Variants in OR2T29 observed in about 807,000 individuals in gnomAD.
OR2T29 encodes the protein olfactory receptor 2T29.
For missense variants in OR2T29, 7 were observed against 121.9 expected, an observed-to-expected ratio of 0.06 and a Z score of 4.44; for synonymous variants, 2 against 44.9, an observed-to-expected ratio of 0.04 and a Z score of 3.82.
rs1392816027 is a variant in OR2T29, at chr1:248,559,044, A to G, written c.448T>C (p.Ser150Pro). The change falls in exon 2 of 2, where the codon TCG becomes CCG. Residue 150 changes from serine to proline, a missense_variant. Coordinates refer to ENST00000641069, the MANE Select transcript of OR2T29 (RefSeq NM_001004694.3). ...ACTGAGCCCAGGAACCAGCAGCCCG[A>G]TGCCAGGAAAAGACAGACCCTATGG... ...MNHRVCLFLASGCWFLGSVDG... is the reference protein window; with the variant it reads ...MNHRVCLFLAPGCWFLGSVDG... The G allele has an allele frequency of 2.6e-5, 6 of 229,426 alleles. 1 individual carries two copies. In the Admixed American group the frequency reaches 4.0e-4, roughly 15 times the overall value. The allele number at this position is 229,426 out of a possible 1,614,324, so 14.2% of individuals were successfully genotyped here.
intron 1 of OR2T29, among the ~76,000 whole-genome samples, chr1:248,560,192 C>T (rs1430054144): frequency 2.8e-5 from 1 of 35,364 alleles, no homozygotes; most frequent in Admixed American, 5.1e-4. Context: ...TCTGCCATTC[C>T]TTTCTCCAAT....
At chr1:248,561,943 G>A (rs1181481901) in intron 1 of OR2T29, among the ~76,000 whole-genome samples, 5 of 144,272 alleles carry the variant, frequency 3.5e-5, no homozygotes, top group South Asian at 2.3e-4. Flanking sequence ...TTCTGTACCC[G>A]CTTGTTTGAC....
chr1:248,557,717 TGTATAAC>T lies in OR2T29; in HGVS notation c.*820_*826del, dbSNP rs1255631177. On this transcript the variant is annotated 3_prime_UTR_variant, in exon 2 of 2. Coordinates refer to ENST00000641069, the MANE Select transcript of OR2T29 (RefSeq NM_001004694.3). ...TGTTGATGCCATCCCTCTGCTTGTT[TGTATAAC>T]AAGTTACATGTTTGAAATCTCAGCT... 8.9e-5 allele frequency: 9 copies of T among 101,144 alleles called. No individual in the cohort carries two copies. The highest frequency in any genetic ancestry group is 3.3e-4 in the African/African-American group (9 of 27,470). The allele number at this position is 101,144 out of a possible 1,614,324, so 6.3% of individuals were successfully genotyped here.
At chr1:248,562,268 A>G (rs1290086244) in intron 1 of OR2T29, among the ~76,000 whole-genome samples, 1 of 149,308 alleles carries the variant, frequency 6.7e-6, no homozygotes, top group Non-Finnish European at 1.5e-5. Context: ...CAGGGACACC[A>G]TCCTCCCTCT....
At chr1:248,562,341 T>C (rs1659537539) in intron 1 of OR2T29, among the ~76,000 whole-genome samples, 1 of 140,250 alleles carries the variant, frequency 7.1e-6, no homozygotes, top group South Asian at 2.2e-4. Flanking sequence ...ATAAAATGAT[T>C]GAGACATTGT....
intron 1 of OR2T29, chr1:248,562,482 T>C (rs1369955411): frequency 1.4e-5 from 2 of 143,822 alleles, no homozygotes; most frequent in Non-Finnish European, 3.0e-5. Context: ...AGAATATATA[T>C]TATTATGTCC....
chr1:248,560,139 C>T (rs1225564026), intron 1 of OR2T29, among the ~76,000 whole-genome samples: 579 of 32,272 alleles, frequency 0.018, no homozygotes, highest in African/African-American at 0.027. Flanking sequence ...AGTGAGGAGC[C>T]CACACACAGT....
At chr1:248,560,585 T>TCACCTGTG (rs1168626091) in intron 1 of OR2T29, among the ~76,000 whole-genome samples, 17 of 35,746 alleles carry the variant, frequency 4.8e-4, no homozygotes, top group African/African-American at 6.6e-4. Flanking sequence ...TATAATATAT[T>TCACCTGTG]TATGTAAACA....
rs1614679 is a variant in OR2T29 at position 248,562,717 on chromosome 1, C to T, written c.-11+9G>A. 184 of 143,668 alleles carry T rather than the reference C, an allele frequency of 1.3e-3. 3 individuals are homozygous for T. Among genetic ancestry groups the T allele is most frequent in the African/African-American group, 4.2e-3 (158 of 37,680 alleles). The allele number at this position is 143,668 out of a possible 1,614,324, so 8.9% of individuals were successfully genotyped here. ...TGCTAGTACCTCCTGTCTGTCTGGC[C>T]GAACTCACCATCAGATGATGTCTTG... On this transcript the variant is annotated intron_variant, in intron 1 of 1. Coordinates refer to ENST00000641069, the MANE Select transcript of OR2T29 (RefSeq NM_001004694.3).
chr1:248,562,543 AGT>A (rs1659542179), intron 1 of OR2T29, 181 bp downstream of exon 1: 1 of 145,080 alleles, frequency 6.9e-6, no homozygotes, highest in Admixed American at 6.8e-5. Flanking sequence ...ACAGTAAATA[AGT>A]GTTGTATAGA....
At position 248,559,535 on chromosome 1, in the gene OR2T29, A is replaced by C. The variant is rs547996050; in HGVS notation, c.-10-34T>G. On this transcript the variant is annotated intron_variant, in intron 1 of 1. Coordinates refer to ENST00000641069, the MANE Select transcript of OR2T29 (RefSeq NM_001004694.3). ...CCAAGGAGAGTTTTGGAGTCAGTGT[A>C]ACGCGTCCCTTTGTAATGAGTGTTT... 16 of 1,093,140 alleles carry C rather than the reference A, an allele frequency of 1.5e-5. 2 individuals are homozygous for C. In the East Asian group the frequency reaches 4.1e-4, roughly 28 times the overall value. 67.7% of individuals were successfully genotyped at this position (1,093,140 alleles called of 1,614,324 possible).
chr1:248,561,995 A>C (rs987900583), intron 1 of OR2T29, among the ~76,000 whole-genome samples: 10 of 147,772 alleles, frequency 6.8e-5, no homozygotes, highest in Admixed American at 6.1e-4. Context: ...TTGGGGATTT[A>C]TTATAAGTAT....
intron 1 of OR2T29, among the ~76,000 whole-genome samples, chr1:248,560,117 C>T (rs866276865): frequency 0.017 from 530 of 31,352 alleles, 1 homozygote; most frequent in African/African-American, 0.025. Flanking sequence ...CTTTAGACAT[C>T]GAGAGACGTG....
intron 1 of OR2T29, among the ~76,000 whole-genome samples, chr1:248,561,821 TCACTATCATTAAGC>T (rs1196130557): frequency 3.2e-4 from 25 of 78,798 alleles, no homozygotes; most frequent in South Asian, 2.1e-3. Flanking sequence ...GAAATGGCCA[TCACTATCATTAAGC>T]CACTATCATT....
intron 1 of OR2T29, among the ~76,000 whole-genome samples, chr1:248,560,118 G>A (rs1450432382): frequency 3.2e-5 from 1 of 31,692 alleles, no homozygotes; most frequent in African/African-American, 4.9e-5. Context: ...TTTAGACATC[G>A]AGAGACGTGA....
At chr1:248,560,483 A>AAAAT (rs1355850894) in intron 1 of OR2T29, among the ~76,000 whole-genome samples, 1,930 of 61,558 alleles carry the variant, frequency 0.031, 25 homozygotes, top group African/African-American at 0.058. Context: ...GAAGTTCTGC[A>AAAAT]AAATAAAGCA....
rs1219895411 is a variant in OR2T29 at position 248,560,280 on chromosome 1, T to C, written c.-10-779A>G. ...AATGAGGAAATGTAATGAAAGTGCT[T>C]AGAATAGTACAGTTTCCGATGAATA... On this transcript the variant is annotated intron_variant, in intron 1 of 1. Transcript: ENST00000641069. 7.6e-3 allele frequency among the ~76,000 whole-genome samples: 644 copies of C among 85,180 alleles called. 6 individuals carry two copies. The highest frequency in any genetic ancestry group is 0.016 in the African/African-American group (613 of 37,824). 55.9% of individuals were successfully genotyped at this position (85,180 alleles called of 152,430 possible).
intron 1 of OR2T29, among the ~76,000 whole-genome samples, chr1:248,562,076 ATACTT>A (rs1254340190): frequency 1.4e-5 from 2 of 143,900 alleles, no homozygotes; most frequent in African/African-American, 2.7e-5. Context: ...ACTAAAATTA[ATACTT>A]TACATTTCTT....
intron 1 of OR2T29, among the ~76,000 whole-genome samples, chr1:248,560,648 A>G (rs1314231751): frequency 8.9e-4 from 18 of 20,256 alleles, no homozygotes; most frequent in African/African-American, 1.3e-3. Flanking sequence ...CTGGTTATGC[A>G]GAGCTTTTTG....
Sources: allele counts gnomAD v4.1 joint callset (sites outside exome capture counted in the v4.1 genomes callset), GRCh38; gene constraint gnomAD v4.1.1; transcripts MANE v1.5; gene names NCBI Gene and HGNC (gene_info 2026-07-23, HGNC 2026-07-21).